ZNF879: variants seen among roughly 807,000 people sequenced by gnomAD.
ZNF879 encodes zinc finger protein 879.
A neutral mutation model predicts 44.3 loss-of-function variants in ZNF879; 32 were observed. The observed-to-expected ratio is 0.72, with a 90% confidence interval of 0.54 to 0.97. The LOEUF is 0.97. Among genes scored for constraint, ZNF879 ranks in the 50% least tolerant of loss-of-function variants. The pLI is 0.00. For synonymous variants in ZNF879, 234 were observed against 233.2 expected (o/e 1.00, Z -0.03); for missense variants, 621 against 669.7 (o/e 0.93, Z 0.80).
rs756514298 is a variant in ZNF879, at chr5:179,027,483, C to T, written c.44C>T (p.Thr15Met). 20 of 1,614,044 alleles carry T rather than the reference C, an allele frequency of 1.2e-5. No homozygotes were observed. Among genetic ancestry groups the T allele is most frequent in the Non-Finnish European group, 1.4e-5 (16 of 1,179,996 alleles). The change falls in exon 3 of 5, where the codon ACG becomes ATG. Residue 15 changes from threonine (T) to methionine (M), a missense_variant. By Grantham distance (81) the Thr-to-Met change is moderately conservative. Coordinates refer to ENST00000444149, the MANE Select transcript of ZNF879 (RefSeq NM_001136116.3). ...LLPAHVQESV[T>M]FRDVAVFFSQ... ...GGTTTGCCATTCCAGGAGTCCGTGACGTTCAGGGATGTGGCCGTGTTCTTC... is the reference window on the plus strand; with the variant it reads ...GGTTTGCCATTCCAGGAGTCCGTGATGTTCAGGGATGTGGCCGTGTTCTTC...
intron 4 of ZNF879, among the ~76,000 whole-genome samples, chr5:179,029,136 A>T (rs1319853692): frequency 8.8e-5 from 13 of 148,236 alleles, no homozygotes; most frequent in Non-Finnish European, 1.8e-4. Flanking sequence ...CATTGTCCAA[A>T]CTGCTCCACT....
chr5:179,027,651 C>T lies in ZNF879; in HGVS notation c.160+52C>T, dbSNP rs536145682. On this transcript the variant is annotated intron_variant, in intron 3 of 4. Transcript: ENST00000444149. ...ATCTGCCAGGAGAGCACCTTAGCACCCTCAGGGGGCACATTTGGAGGGCTT... is the reference window on the plus strand; with the variant it reads ...ATCTGCCAGGAGAGCACCTTAGCACTCTCAGGGGGCACATTTGGAGGGCTT... The T allele has an allele frequency of 3.1e-6, 5 of 1,591,810 alleles. No homozygotes were observed. In the South Asian group the frequency reaches 4.5e-5, roughly 14 times the overall value.
In ZNF879 at chr5:179,033,104, G is replaced by C; in HGVS notation, c.1156G>C (p.Ala386Pro). The change falls in exon 5 of 5, where the codon GCC (alanine) becomes CCC (proline). Residue 386 changes from alanine to proline, a missense_variant. Transcript: ENST00000444149. ...TGGAAAAGTATTCAGCTATCACTCAGCCCTTATCATACATCAGAGAATTCA... is the reference window on the plus strand; with the variant it reads ...TGGAAAAGTATTCAGCTATCACTCACCCCTTATCATACATCAGAGAATTCA... The part of the protein sequence containing the change: ...ECGKVFSYHS[A>P]LIIHQRIHTG... The C allele has an allele frequency of 6.3e-7, 1 of 1,575,282 alleles. No individual in the cohort carries two copies. The highest frequency in any genetic ancestry group is 8.6e-7 in the Non-Finnish European group (1 of 1,160,442).
rs780738378 is a variant in ZNF879, at chr5:179,032,890, G to A, written c.942G>A (p.Lys314=). The A allele has an allele frequency of 6.4e-7, 1 of 1,570,804 alleles. No homozygotes were observed. Among genetic ancestry groups the A allele is most frequent in the Non-Finnish European group, 8.6e-7 (1 of 1,157,858 alleles). Residue 314 remains lysine, a synonymous_variant, in exon 5 of 5, where the codon AAG becomes AAA. Transcript: ENST00000444149. ...NNHQRIHTGE[K]PYKCNECGRA... ...ACCAGCGAATTCACACAGGAGAGAA[G>A]CCCTATAAGTGTAATGAATGTGGGA...
Position 179,028,124 on chromosome 5 carries a change from C to T in ZNF879, c.253C>T (p.Leu85Phe), listed in dbSNP as rs1761320578. Reference sequence around the variant, plus strand: ...GAGTGGAGTTCCCCAAGGCGCACATCTCGGTGAGTGACAGAGTAATTGGGA... The same window carrying T: ...GAGTGGAGTTCCCCAAGGCGCACATTTCGGTGAGTGACAGAGTAATTGGGA... ...VESGVPQGAH[L>F]GWESLFGTIV... is the part of the protein sequence containing the mutation. Residue 85 changes from leucine (L) to phenylalanine (F), a missense_variant, in exon 4 of 5, where the codon CTC (leucine) becomes TTC (phenylalanine). By Grantham distance (22) the Leu-to-Phe change is conservative. Transcript: ENST00000444149. 1 of 1,551,514 alleles carries T rather than the reference C, an allele frequency of 6.4e-7. No individual in the cohort carries two copies. Among genetic ancestry groups the T allele is most frequent in the Non-Finnish European group, 8.7e-7 (1 of 1,146,862 alleles).
At chr5:179,024,536 A>C (rs1761205833) in intron 1 of ZNF879, 1 of 154,286 alleles carries the variant, frequency 6.5e-6, no homozygotes, top group Non-Finnish European at 1.4e-5. Flanking sequence ...TAAATCTTAC[A>C]AGAGGAAGAA....
In ZNF879 at chr5:179,033,634, T is replaced by C. The variant is rs1290718318; in HGVS notation, c.1686T>C (p.His562=). 2 of 1,498,814 alleles carry C rather than the reference T, an allele frequency of 1.3e-6. No homozygotes were observed. Among genetic ancestry groups the C allele is most frequent in the Non-Finnish European group, 1.8e-6 (2 of 1,125,932 alleles). The allele number at this position is 1,498,814 out of a possible 1,614,324, so 92.8% of individuals were successfully genotyped here. A position where few individuals can be genotyped will look rare whatever the true frequency, so the allele number is the denominator to read the frequency against. Residue 562 remains histidine (H), a synonymous_variant, in exon 5 of 5, where the codon CAT becomes CAC. Transcript: ENST00000444149. ...SSSLTNHQRT[H]N ...CTCTTACTAATCATCAAAGGACTCATAATTGAGAAAAACTGTATAAATGCA... is the reference window on the plus strand; with the variant it reads ...CTCTTACTAATCATCAAAGGACTCACAATTGAGAAAAACTGTATAAATGCA...
At chr5:179,023,957 C>G (rs1761179957) in intron 1 of ZNF879, 53 bp downstream of exon 1, 1 of 152,456 alleles carries the variant, frequency 6.6e-6, no homozygotes, top group Admixed American at 6.5e-5. Context: ...CGCGGCGGGA[C>G]CAGGACGAGG....
rs1761491050 is a variant in ZNF879, at chr5:179,033,342, T to G, written c.1394T>G (p.Phe465Cys). ...PYNCKECGKA[F>C]SSHSGVNTHR... The stretch of plus-strand genomic sequence containing the variant: ...AATTGTAAGGAATGTGGAAAAGCCT[T>G]CAGTTCCCACTCAGGCGTTAATACT... Residue 465 changes from phenylalanine to cysteine, a missense_variant, in exon 5 of 5, where the codon TTC becomes TGC. By Grantham distance (205) the Phe-to-Cys change is radical (BLOSUM62 -2). Transcript: ENST00000444149. 2 of 1,568,300 alleles carry G rather than the reference T, an allele frequency of 1.3e-6. No individual in the cohort carries two copies. The highest frequency in any genetic ancestry group is 1.7e-4 in the Middle Eastern group (1 of 6,014).
At chr5:179,028,770 T>C (rs1761341588) in intron 4 of ZNF879, among the ~76,000 whole-genome samples, 1 of 152,186 alleles carries the variant, frequency 6.6e-6, no homozygotes, top group African/African-American at 2.4e-5. Flanking sequence ...CTATACGCCC[T>C]TGGATGACTG....
chr5:179,025,469 C>T (rs1207234354), intron 2 of ZNF879, among the ~76,000 whole-genome samples: 1 of 152,084 alleles, frequency 6.6e-6, no homozygotes, highest in Non-Finnish European at 1.5e-5. Flanking sequence ...GGACTATGGG[C>T]GTGAGCCACC....
Position 179,033,215 on chromosome 5 carries a change from A to C in ZNF879, c.1267A>C (p.Thr423Pro). ...SALIQHQRIH[T>P]GEKPYKCNEC... The stretch of plus-strand genomic sequence containing the variant: ...TCTCATACAACATCAAAGAATTCAC[A>C]CTGGAGAAAAACCCTACAAATGTAA... Residue 423 changes from threonine to proline, a missense_variant, in exon 5 of 5, where the codon ACT (threonine) becomes CCT (proline). By Grantham distance (38) the Thr-to-Pro change is conservative. Transcript: ENST00000444149. The C allele has an allele frequency of 6.3e-7, 1 of 1,595,464 alleles. No homozygotes were observed. The highest frequency in any genetic ancestry group is 2.3e-5 in the East Asian group (1 of 43,594).
intron 2 of ZNF879, among the ~76,000 whole-genome samples, chr5:179,026,418 C>T (rs1761271633): frequency 6.6e-6 from 1 of 152,138 alleles, no homozygotes; most frequent in South Asian, 2.1e-4. Flanking sequence ...GTTAGATGAG[C>T]ACTTCTTGTT....
Position 179,032,532 on chromosome 5 carries a change from T to C in ZNF879, c.584T>C (p.Leu195Pro). The C allele has an allele frequency of 6.4e-7, 1 of 1,551,692 alleles. No homozygotes were observed. The change falls in exon 5 of 5, where the codon CTG (leucine) becomes CCG (proline). Residue 195 changes from leucine (L) to proline (P), a missense_variant. Transcript: ENST00000444149. ...CAGTATTCAGTTCTCTTTAAACAACTGGGGGTCAACACAGTGCGTAAATGT... is the reference window on the plus strand; with the variant it reads ...CAGTATTCAGTTCTCTTTAAACAACCGGGGGTCAACACAGTGCGTAAATGT... ...SQQYSVLFKQ[L>P]GVNTVRKCYK...
Position 179,024,866 on chromosome 5 carries a change from T to C in ZNF879, c.-35-104T>C, listed in dbSNP as rs2113041762. On this transcript the variant is annotated intron_variant, in intron 1 of 4. Coordinates refer to ENST00000444149, the MANE Select transcript of ZNF879 (RefSeq NM_001136116.3). ...TCTGGCCTGGGCAGTTCCAGGCTCC[T>C]TCTCTGCAGGTGCTCAGCTTATGGC... 4 of 886,822 alleles carry C rather than the reference T, an allele frequency of 4.5e-6. No homozygotes were observed. The East Asian group carries it at 1.1e-4, about 23-fold the overall frequency. 54.9% of individuals were successfully genotyped at this position (886,822 alleles called of 1,614,324 possible).
chr5:179,025,059 C>G, intron 2 of ZNF879, 22 bp downstream of exon 2: 14 of 1,551,340 alleles, frequency 9.0e-6, no homozygotes, highest in Non-Finnish European at 1.2e-5. Context: ...CTTCTTTTTG[C>G]TTGAACTGCC....
chr5:179,030,597 AT>A (rs755570807), intron 4 of ZNF879, among the ~76,000 whole-genome samples: 2 of 152,162 alleles, frequency 1.3e-5, no homozygotes, highest in African/African-American at 4.8e-5. Flanking sequence ...TAATTAAGTG[AT>A]TTTTTATATG....
intron 3 of ZNF879, 94 bp from the exon 4 acceptor site, chr5:179,027,938 C>T (rs1761314174): frequency 1.4e-5 from 16 of 1,121,734 alleles, no homozygotes; most frequent in Non-Finnish European, 2.0e-5. Context: ...AACAAACCTC[C>T]TCCTTCCCTG....
intron 2 of ZNF879, 36 bp from the exon 3 acceptor site, chr5:179,027,437 A>G (rs543999449): frequency 6.2e-7 from 1 of 1,611,238 alleles, no homozygotes; most frequent in Middle Eastern, 1.7e-4. Context: ...TTGTGGGGAC[A>G]GTCCTGGATG....
Sources: allele counts gnomAD v4.1 joint callset (sites outside exome capture counted in the v4.1 genomes callset), GRCh38; gene constraint gnomAD v4.1.1; transcripts MANE v1.5; gene names NCBI Gene and HGNC (gene_info 2026-07-23, HGNC 2026-07-21).